CNTN4: variants seen among roughly 807,000 people sequenced by gnomAD.
CNTN4 encodes the protein contactin-4.
CNTN4 carries 77 observed loss-of-function variants against 122.5 expected under a neutral mutation model. The observed-to-expected ratio is 0.63, with a 90% CI of 0.52 to 0.76. The LOEUF is 0.76. Ranked by LOEUF, CNTN4 falls within the 30% of genes least tolerant of loss-of-function variation. The pLI is 0.00. For missense variants in CNTN4, 1,256 were observed against 1,259.1 expected (o/e 1.00, Z 0.04); for synonymous variants, 512 against 447.0 (o/e 1.15, Z -1.83).
intron 6 of CNTN4, among the ~76,000 whole-genome samples, chr3:2,746,923 T>A (rs2089800808): frequency 6.6e-6 from 1 of 152,212 alleles, no homozygotes; most frequent in South Asian, 2.1e-4. Flanking sequence ...ACAAGTCTTG[T>A]ATCTATATTG....
At chr3:2,455,588 C>G (rs2048969930) in intron 3 of CNTN4, among the ~76,000 whole-genome samples, 1 of 152,016 alleles carries the variant, frequency 6.6e-6, no homozygotes, top group African/African-American at 2.4e-5. Flanking sequence ...AGAAGGAGGA[C>G]ATTTTTACTG....
chr3:2,714,831 G>A (rs571675849), intron 4 of CNTN4, among the ~76,000 whole-genome samples: 20 of 152,052 alleles, frequency 1.3e-4, no homozygotes, highest in Non-Finnish European at 2.6e-4. Context: ...TTGAACTCTT[G>A]GGCTCAAACG....
rs551647822 is a variant in CNTN4, at chr3:2,367,607, C to G, written c.-89+28374C>G. ...TGGCACAATCTCAGCTCACTGCAACCTCCTCCTCCTGGATTCAAGGTACAT... is the reference window on the plus strand; with the variant it reads ...TGGCACAATCTCAGCTCACTGCAACGTCCTCCTCCTGGATTCAAGGTACAT... On this transcript the variant is annotated intron_variant, in intron 3 of 24. Transcript: ENST00000418658. 2.0e-5 allele frequency among the ~76,000 whole-genome samples: 3 copies of G among 152,082 alleles called. No individual in the cohort carries two copies. The East Asian group carries it at 5.8e-4, about 29-fold the overall frequency.
At chr3:2,269,148 G>A (rs2041168964) in intron 2 of CNTN4, among the ~76,000 whole-genome samples, 1 of 152,064 alleles carries the variant, frequency 6.6e-6, no homozygotes, top group African/African-American at 2.4e-5. Flanking sequence ...GTTTTCAAAG[G>A]TGTACCCTTC....
chr3:2,149,156 A>G (rs1312535489), intron 2 of CNTN4, among the ~76,000 whole-genome samples: 2 of 152,104 alleles, frequency 1.3e-5, no homozygotes, highest in Admixed American at 1.3e-4. Flanking sequence ...TGGGTCAGCT[A>G]TTAGGTTATT....
chr3:2,175,398 GA>G (rs1180681775), intron 2 of CNTN4, among the ~76,000 whole-genome samples: 4 of 151,866 alleles, frequency 2.6e-5, no homozygotes, highest in East Asian at 1.9e-4. Context: ...TTTCAACAAG[GA>G]AAAAAAGTCT....
chr3:3,053,289 C>T (rs954494939), intron 23 of CNTN4, among the ~76,000 whole-genome samples: 2 of 152,230 alleles, frequency 1.3e-5, no homozygotes, highest in Non-Finnish European at 2.9e-5. Flanking sequence ...CCCACCTTGG[C>T]CTCCCAAAGT....
At chr3:2,109,096 G>C (rs41363752) in intron 2 of CNTN4, among the ~76,000 whole-genome samples, 4,468 of 152,256 alleles carry the variant, frequency 0.029, 214 homozygotes, top group African/African-American at 0.1. Flanking sequence ...ATTGACTGCA[G>C]GATTAGTTCC....
Position 3,037,242 on chromosome 3 carries a change from A to C in CNTN4, c.2006A>C (p.Glu669Ala). The C allele has an allele frequency of 6.2e-7, 1 of 1,614,148 alleles. No homozygotes were observed. The highest frequency in any genetic ancestry group is 8.5e-7 in the Non-Finnish European group (1 of 1,180,018). Residue 669 changes from glutamate to alanine, a missense_variant, in exon 18 of 25, where the codon GAA (glutamate) becomes GCA (alanine). By Grantham distance (107) the Glu-to-Ala change is moderately radical. Transcript: ENST00000418658. ...GTGGTGGGTTTGAACCCTTGGGTTG[A>C]ATATGAATTCCGCACAGTTGCAGCC... ...ATVVGLNPWV[E>A]YEFRTVAANV...
chr3:2,443,760 G>C (rs2151301362), intron 3 of CNTN4, among the ~76,000 whole-genome samples: 1 of 152,202 alleles, frequency 6.6e-6, no homozygotes, highest in South Asian at 2.1e-4. Flanking sequence ...CATCCATAAA[G>C]GGACCAAAAG....
chr3:2,550,939 G>A (rs542764932), intron 3 of CNTN4, among the ~76,000 whole-genome samples: 14 of 152,132 alleles, frequency 9.2e-5, no homozygotes, highest in Admixed American at 4.6e-4. Flanking sequence ...ATCATACACC[G>A]GGGCCTGTCG....
At chr3:2,538,864 C>G (rs938432714) in intron 3 of CNTN4, among the ~76,000 whole-genome samples, 1 of 151,794 alleles carries the variant, frequency 6.6e-6, no homozygotes, top group Admixed American at 6.6e-5. Flanking sequence ...GACACACACC[C>G]ACAATGTTCT....
intron 4 of CNTN4, among the ~76,000 whole-genome samples, chr3:2,644,917 G>A (rs565218967): frequency 6.7e-6 from 1 of 150,216 alleles, no homozygotes; most frequent in African/African-American, 2.5e-5. Flanking sequence ...CAAGACACAG[G>A]CTTCATGAAT....
At chr3:2,245,594 A>C (rs1205398649) in intron 2 of CNTN4, among the ~76,000 whole-genome samples, 1 of 152,082 alleles carries the variant, frequency 6.6e-6, no homozygotes, top group African/African-American at 2.4e-5. Flanking sequence ...GTAAAATAAA[A>C]TAGTAACGTA....
At chr3:3,036,218 C>G (rs1400914844) in intron 17 of CNTN4, among the ~76,000 whole-genome samples, 1 of 152,158 alleles carries the variant, frequency 6.6e-6, no homozygotes, top group African/African-American at 2.4e-5. Context: ...AGAATATGCC[C>G]AGTGTTGAGC....
intron 3 of CNTN4, among the ~76,000 whole-genome samples, chr3:2,371,165 G>C (rs919834038): frequency 2.0e-5 from 3 of 152,136 alleles, no homozygotes; most frequent in Admixed American, 1.3e-4. Flanking sequence ...TTCTAACATA[G>C]TTCATCAAGC....
chr3:2,637,357 G>C (rs889218211), intron 4 of CNTN4, among the ~76,000 whole-genome samples: 1 of 152,144 alleles, frequency 6.6e-6, no homozygotes, highest in Non-Finnish European at 1.5e-5. Flanking sequence ...AAGTTTAAAA[G>C]CAAAATGGAT....
At chr3:2,139,784 G>A (rs1574921913) in intron 2 of CNTN4, among the ~76,000 whole-genome samples, 1 of 152,216 alleles carries the variant, frequency 6.6e-6, no homozygotes, top group African/African-American at 2.4e-5. Context: ...CTTCCTCAGT[G>A]TAGCCACTCT....
At chr3:2,861,410 C>A (rs955294117) in intron 7 of CNTN4, among the ~76,000 whole-genome samples, 1 of 152,108 alleles carries the variant, frequency 6.6e-6, no homozygotes, top group Non-Finnish European at 1.5e-5. Context: ...ACAAAGGAAC[C>A]AATGAATACA....
Sources: gnomAD v4.1 joint callset for allele counts (sites outside exome capture counted in the v4.1 genomes callset) on GRCh38, gnomAD v4.1.1 for gene constraint, MANE v1.5 for transcripts, NCBI Gene and HGNC (gene_info 2026-07-23, HGNC 2026-07-21) for gene names.